Variants in ANXA8 observed in about 807,000 individuals in gnomAD.
ANXA8 encodes annexin A8.
Under a neutral mutation model 26.8 loss-of-function variants are expected in ANXA8, and 9 were observed. The ratio of observed to expected loss-of-function variants is 0.34; its 90% CI spans 0.20 to 0.59. ANXA8 has a LOEUF of 0.59. Among genes scored for constraint, ANXA8 ranks in the 20% least tolerant of loss-of-function variants. ANXA8 has a pLI of 0.84. For synonymous variants in ANXA8, 39 were observed against 94.8 expected (o/e 0.41, Z 3.42); for missense variants, 83 against 238.5 (o/e 0.35, Z 4.29).
At chr10:47,676,142 C>G in the ANXA8 span, among the ~76,000 whole-genome samples, 1 of 151,308 alleles carries the variant, frequency 6.6e-6, no homozygotes, top group Non-Finnish European at 1.5e-5. Flanking sequence ...AGAGAAAAGA[C>G]AGAAAAAGTC....
the ANXA8 span, chr10:47,563,645 G>T: frequency 4.3e-4 from 384 of 888,530 alleles, 7 homozygotes; most frequent in South Asian, 3.7e-3. Context: ...TGAAGTAAAA[G>T]CTTTGGCTTC....
the ANXA8 span, among the ~76,000 whole-genome samples, chr10:47,935,525 A>C: frequency 6.6e-6 from 1 of 151,628 alleles, no homozygotes; most frequent in Non-Finnish European, 1.5e-5. Context: ...AATGGAGCTC[A>C]GACTCACACT....
chr10:47,555,577 T>G, the ANXA8 span, among the ~76,000 whole-genome samples: 1 of 152,106 alleles, frequency 6.6e-6, no homozygotes, highest in African/African-American at 2.4e-5. Context: ...TCCCAAAGTT[T>G]TATCAGTGAC....
At chr10:47,565,023 C>T in the ANXA8 span, 1 of 837,478 alleles carries the variant, frequency 1.2e-6, no homozygotes, top group South Asian at 1.3e-5. Context: ...TGCTGTGCCA[C>T]TATCGCCATC....
the ANXA8 span, among the ~76,000 whole-genome samples, chr10:47,497,126 G>A: frequency 6.7e-6 from 1 of 150,294 alleles, no homozygotes; most frequent in Non-Finnish European, 1.5e-5. Flanking sequence ...TTCAAAACCA[G>A]CTTGATCAAC....
the ANXA8 span, among the ~76,000 whole-genome samples, chr10:47,533,207 A>ACG: frequency 3.1e-3 from 438 of 140,974 alleles, no homozygotes; most frequent in African/African-American, 0.011. Context: ...ACACACACAC[A>ACG]CACACACACA....
At chr10:47,967,220 C>A in the ANXA8 span, among the ~76,000 whole-genome samples, 2 of 150,496 alleles carry the variant, frequency 1.3e-5, no homozygotes, top group Non-Finnish European at 3.0e-5. Context: ...CCAGAGGCAA[C>A]TTCTTGTAAA....
the ANXA8 span, among the ~76,000 whole-genome samples, chr10:47,645,443 ATATGG>A: frequency 6.7e-6 from 1 of 148,334 alleles, no homozygotes; most frequent in Non-Finnish European, 1.5e-5. Flanking sequence ...CATAGTAGTC[ATATGG>A]CTACTGCAAT....
At chr10:47,777,274 A>C in the ANXA8 span, among the ~76,000 whole-genome samples, 1 of 151,346 alleles carries the variant, frequency 6.6e-6, no homozygotes, top group Non-Finnish European at 1.5e-5. Flanking sequence ...CAAGCCTGGG[A>C]CCTGTGGAGG....
the ANXA8 span, among the ~76,000 whole-genome samples, chr10:47,526,871 AAAG>A: frequency 8.4e-6 from 1 of 119,504 alleles, no homozygotes; most frequent in Admixed American, 8.9e-5. Context: ...ATGAGATGTG[AAAG>A]AAGAGGGGAA....
At chr10:47,991,505 G>A in the ANXA8 span, among the ~76,000 whole-genome samples, 2 of 147,712 alleles carry the variant, frequency 1.4e-5, no homozygotes, top group African/African-American at 2.5e-5. Flanking sequence ...GGGCACTCTA[G>A]GCCTGGGGCT....
chr10:47,939,597 C>A, the ANXA8 span, among the ~76,000 whole-genome samples: 2 of 145,412 alleles, frequency 1.4e-5, no homozygotes, highest in Non-Finnish European at 3.0e-5. Context: ...GGCTGGACGC[C>A]TCCACGGCAT....
the ANXA8 span, among the ~76,000 whole-genome samples, chr10:47,936,763 G>A: frequency 1.3e-4 from 19 of 151,146 alleles, no homozygotes; most frequent in Admixed American, 1.2e-3. Flanking sequence ...CCAAGGTCCG[G>A]GGTCGCTCTC....
At chr10:47,659,389 A>G in the ANXA8 span, among the ~76,000 whole-genome samples, 1 of 151,368 alleles carries the variant, frequency 6.6e-6, no homozygotes, top group Non-Finnish European at 1.5e-5. Context: ...CACACTTAAG[A>G]GTGTTTTAGG....
the ANXA8 span, among the ~76,000 whole-genome samples, chr10:47,898,797 T>C: frequency 1.0e-5 from 1 of 98,232 alleles, no homozygotes; most frequent in Non-Finnish European, 1.9e-5. Flanking sequence ...TATTCTGCTA[T>C]AGAAAGAGAA....
the ANXA8 span, chr10:47,563,654 T>G: frequency 2.2e-5 from 19 of 858,844 alleles, no homozygotes; most frequent in South Asian, 2.4e-4. Context: ...AGCTTTGGCT[T>G]CTCTGATGAC....
At chr10:47,530,656 G>A in the ANXA8 span, among the ~76,000 whole-genome samples, 256 of 148,966 alleles carry the variant, frequency 1.7e-3, no homozygotes, top group East Asian at 7.9e-3. Flanking sequence ...CTGTGCCACA[G>A]CACTCCAGCC....
At chr10:47,496,964 G>T in the ANXA8 span, among the ~76,000 whole-genome samples, 1 of 142,478 alleles carries the variant, frequency 7.0e-6, no homozygotes. Flanking sequence ...CCCCTCATAG[G>T]GGGAAAGATC....
chr10:47,946,109 T>C, the ANXA8 span, among the ~76,000 whole-genome samples: 1 of 149,114 alleles, frequency 6.7e-6, no homozygotes, highest in Non-Finnish European at 1.5e-5. Context: ...GCCTACACTC[T>C]GCTCTGCCTC....
Sources: gnomAD v4.1 joint callset for allele counts (sites outside exome capture counted in the v4.1 genomes callset) on GRCh38, gnomAD v4.1.1 for gene constraint, MANE v1.5 for transcripts, NCBI Gene and HGNC (gene_info 2026-07-23, HGNC 2026-07-21) for gene names.